CDH13: variants seen among roughly 807,000 people sequenced by gnomAD.
CDH13 encodes cadherin-13.
Under a neutral mutation model 63.8 loss-of-function variants are expected in CDH13, and 24 were observed. The ratio of observed to expected loss-of-function variants is 0.38; its 90% confidence interval spans 0.27 to 0.53. The LOEUF (loss-of-function observed/expected upper bound fraction) is 0.53. CDH13 is among the 20% of genes least tolerant of loss of function. CDH13 has a pLI of 0.85. For synonymous variants in CDH13, 503 were observed against 355.3 expected (o/e 1.42, Z -4.67); for missense variants, 1,049 against 903.1 (o/e 1.16, Z -2.07).
At chr16:83,186,833 G>A in intron 4 of CDH13, among the ~76,000 whole-genome samples, 1 of 152,218 alleles carries the variant, frequency 6.6e-6, no homozygotes. Flanking sequence ...TTCTGATGGG[G>A]AGAAGGAGCT....
intron 1 of CDH13, among the ~76,000 whole-genome samples, chr16:82,761,814 A>T (rs77347308): frequency 0.046 from 6,932 of 152,178 alleles, 235 homozygotes; most frequent in Middle Eastern, 0.099. Flanking sequence ...TGTCTAAAAG[A>T]TTTTTTTATC....
At chr16:83,285,478 C>T (rs1371030446) in intron 5 of CDH13, among the ~76,000 whole-genome samples, 1 of 151,604 alleles carries the variant, frequency 6.6e-6, no homozygotes, top group Non-Finnish European at 1.5e-5. Context: ...CAGATATCCA[C>T]AGGTTCCAAC....
intron 10 of CDH13, among the ~76,000 whole-genome samples, chr16:83,722,745 G>C (rs145246687): frequency 1.3e-5 from 2 of 152,230 alleles, no homozygotes; most frequent in Non-Finnish European, 2.9e-5. Flanking sequence ...TCAGGTTACA[G>C]TGCTGAGCTA....
chr16:82,798,078 A>G (rs562284142), intron 1 of CDH13, among the ~76,000 whole-genome samples: 2 of 152,344 alleles, frequency 1.3e-5, no homozygotes, highest in South Asian at 4.2e-4. Context: ...TGACTAAACT[A>G]AAGGTAAAAT....
chr16:82,826,110 C>T (rs2038240340), intron 1 of CDH13: 1 of 152,176 alleles, frequency 6.6e-6, no homozygotes, highest in Non-Finnish European at 1.5e-5. Context: ...CCACCTCAGC[C>T]TCCCAAAGTG....
intron 3 of CDH13, among the ~76,000 whole-genome samples, chr16:83,070,154 C>G (rs1043125887): frequency 1.3e-5 from 2 of 152,112 alleles, no homozygotes; most frequent in African/African-American, 4.8e-5. Flanking sequence ...GCTCTTGCAG[C>G]AACAAATCTC....
At chr16:83,368,884 T>TTATATATA (rs150563585) in intron 6 of CDH13, among the ~76,000 whole-genome samples, 54 of 47,590 alleles carry the variant, frequency 1.1e-3, no homozygotes, top group Non-Finnish European at 2.1e-3. Flanking sequence ...GTATTCCATG[T>TTATATATA]TATATATATA....
rs768130114 is a variant in CDH13 at position 83,172,797 on chromosome 16, GAAAAC to G, written c.484-44544_484-44540del. On this transcript the variant is annotated intron_variant, in intron 4 of 13. Coordinates refer to ENST00000567109, the MANE Select transcript of CDH13 (RefSeq NM_001257.5). ...AAACAAAAAACAAACAATAAAAAAA[GAAAAC>G]AAAGAAGGCTAAATAGCTTCCTTCT... Among the ~76,000 whole-genome samples the G allele has an allele frequency of 2.0e-5, 3 of 152,122 alleles. 1 individual carries two copies. The highest frequency in any genetic ancestry group is 6.6e-5 in the Admixed American group (1 of 15,256).
At chr16:83,766,874 A>G (rs1389555538) in intron 11 of CDH13, among the ~76,000 whole-genome samples, 2 of 152,100 alleles carry the variant, frequency 1.3e-5, no homozygotes, top group Non-Finnish European at 2.9e-5. Context: ...TGACTGTTTT[A>G]TAAGCATCTG....
chr16:82,954,154 C>T (rs1239662788), intron 2 of CDH13: 1 of 152,150 alleles, frequency 6.6e-6, no homozygotes, highest in South Asian at 2.1e-4. Context: ...TGGGATGCCA[C>T]CCCCCTTGGC....
chr16:83,015,724 A>AGAGAGAG (rs1555562946), intron 2 of CDH13, among the ~76,000 whole-genome samples: 2 of 49,096 alleles, frequency 4.1e-5, no homozygotes, highest in African/African-American at 1.2e-4. Context: ...TATATATATA[A>AGAGAGAG]AGAAAAAGCA....
At chr16:83,260,094 C>CAA (rs1906781343) in intron 5 of CDH13, among the ~76,000 whole-genome samples, 1 of 85,472 alleles carries the variant, frequency 1.2e-5, no homozygotes, top group Non-Finnish European at 2.6e-5. Context: ...CATGTACCCC[C>CAA]AATACACACA....
intron 8 of CDH13, among the ~76,000 whole-genome samples, chr16:83,647,355 C>G (rs972070328): frequency 1.3e-5 from 2 of 151,904 alleles, no homozygotes; most frequent in Non-Finnish European, 1.5e-5. Flanking sequence ...CCACTCTTAC[C>G]CTACCTGTAG....
At chr16:83,143,946 G>T (rs150895204) in intron 4 of CDH13, among the ~76,000 whole-genome samples, 1 of 152,112 alleles carries the variant, frequency 6.6e-6, no homozygotes, top group African/African-American at 2.4e-5. Flanking sequence ...ATAGTGAGAC[G>T]AGACAGAAGG....
chr16:83,463,150 G>A (rs895095238), intron 6 of CDH13, among the ~76,000 whole-genome samples: 1 of 152,172 alleles, frequency 6.6e-6, no homozygotes, highest in Non-Finnish European at 1.5e-5. Context: ...AGATGAAGCA[G>A]GAACAACCTG....
intron 8 of CDH13, among the ~76,000 whole-genome samples, chr16:83,609,893 C>T (rs957834261): frequency 6.6e-6 from 1 of 152,024 alleles, no homozygotes; most frequent in Non-Finnish European, 1.5e-5. Flanking sequence ...CATTCCCCCA[C>T]GCTGGCCACC....
intron 2 of CDH13, among the ~76,000 whole-genome samples, chr16:82,975,199 G>C (rs1449800725): frequency 1.3e-5 from 2 of 152,238 alleles, no homozygotes; most frequent in Non-Finnish European, 2.9e-5. Flanking sequence ...CCTGGCTGCT[G>C]TGGTTGGATG....
intron 1 of CDH13, among the ~76,000 whole-genome samples, chr16:82,637,286 G>A (rs536107484): frequency 1.3e-5 from 2 of 152,232 alleles, no homozygotes; most frequent in Non-Finnish European, 2.9e-5. Flanking sequence ...TGGCAGTATT[G>A]ATTCCGAACG....
intron 3 of CDH13, among the ~76,000 whole-genome samples, chr16:83,043,076 G>A (rs546394535): frequency 2.1e-4 from 32 of 152,212 alleles, no homozygotes; most frequent in African/African-American, 7.2e-4. Flanking sequence ...TCCAAGAATT[G>A]GGCCTAGAAT....
Sources: allele counts gnomAD v4.1 joint callset (sites outside exome capture counted in the v4.1 genomes callset), GRCh38; gene constraint gnomAD v4.1.1; transcripts MANE v1.5; gene names NCBI Gene and HGNC (gene_info 2026-07-23, HGNC 2026-07-21).